Variants in SSC4D observed in about 807,000 individuals in gnomAD.
SSC4D encodes scavenger receptor cysteine rich family member with 4 domains, also known as scavenger receptor cysteine-rich domain-containing group B protein.
SSC4D carries 57 observed loss-of-function variants against 63.4 expected under a neutral mutation model. That is an observed-to-expected ratio of 0.90 (90% CI 0.73 to 1.12). The LOEUF is 1.12. SSC4D is among the 50% of genes most tolerant of loss of function. SSC4D has a pLI of 0.00. For synonymous variants in SSC4D, 352 were observed against 345.4 expected (o/e 1.02, Z -0.21); for missense variants, 791 against 806.4 (o/e 0.98, Z 0.23).
chr7:76,397,570 G>T lies in SSC4D; in HGVS notation c.816C>A (p.Gly272=), dbSNP rs769209494. Residue 272 remains glycine (G), a synonymous_variant, in exon 6 of 11, where the codon GGC becomes GGA. Coordinates refer to ENST00000275560, the MANE Select transcript of SSC4D (RefSeq NM_080744.2). ...GGTGGCCGCAGTTGTGCACACCCCAGCCCAGGCTCTGGCAGGCTGCCAGGC... is the reference window on the plus strand; with the variant it reads ...GGTGGCCGCAGTTGTGCACACCCCATCCCAGGCTCTGGCAGGCTGCCAGGC... ...EPRLAACQSL[G]WGVHNCGHHE... The T allele has an allele frequency of 3.1e-6, 5 of 1,607,330 alleles. No individual in the cohort carries two copies. The Admixed American group carries it at 8.5e-5, about 27-fold the overall frequency.
intron 7 of SSC4D, 123 bp downstream of exon 7, chr7:76,395,130 A>T (rs1804606288): frequency 2.7e-6 from 3 of 1,103,772 alleles, no homozygotes; most frequent in Non-Finnish European, 4.1e-6. Flanking sequence ...CCTCTGCACC[A>T]TCTGGCCAAA....
intron 6 of SSC4D, 44 bp downstream of exon 6, chr7:76,397,474 C>A (rs1322679630): frequency 6.9e-7 from 1 of 1,445,688 alleles, no homozygotes. Context: ...CACAGGGCCC[C>A]GCCCACCTGC....
chr7:76,400,251 C>G, intron 4 of SSC4D, 35 bp downstream of exon 4: 1 of 1,433,368 alleles, frequency 7.0e-7, no homozygotes, highest in Non-Finnish European at 9.2e-7. Flanking sequence ...CTGCCACAGT[C>G]TGTCTGTCCC....
rs763665669 is a variant in SSC4D at position 76,397,804 on chromosome 7, GC to G, written c.581del (p.Gly194AlafsTer227). 3.8e-6 allele frequency: 6 copies of G among 1,598,262 alleles called. No homozygotes were observed. Among genetic ancestry groups the G allele is most frequent in the Admixed American group, 1.7e-5 (1 of 58,180 alleles). The stretch of plus-strand genomic sequence containing the variant: ...CCACTCGGCCCTGACACAGGTTCGC[GC>G]CCCCTACCAGGCGTACGCTGCCCTC... ...KSEGSVRLVG[G>X]ANLCQGRVEI... On this transcript the variant is annotated frameshift_variant, in exon 6 of 11. Transcript: ENST00000275560. LOFTEE classifies it high-confidence loss of function.
chr7:76,389,907 C>T lies in SSC4D; in HGVS notation c.*152G>A, dbSNP rs999504241. 1.2e-5 allele frequency: 12 copies of T among 972,478 alleles called. No individual in the cohort carries two copies. The highest frequency in any genetic ancestry group is 1.8e-5 in the Non-Finnish European group (12 of 662,422). The allele number at this position is 972,478 out of a possible 1,614,324, so 60.2% of individuals were successfully genotyped here. A position where few individuals can be genotyped will look rare whatever the true frequency, so the allele number is the denominator to read the frequency against. ...TGGACGGGGGTACAGCCAGGCTCCC[C>T]CAAGCAGGACTGCACTGTCTAGGTA... On this transcript the variant is annotated 3_prime_UTR_variant, in exon 11 of 11. Coordinates refer to ENST00000275560, the MANE Select transcript of SSC4D (RefSeq NM_080744.2).
chr7:76,396,063 T>G (rs1204632285), intron 6 of SSC4D, among the ~76,000 whole-genome samples: 2 of 152,234 alleles, frequency 1.3e-5, no homozygotes, highest in Admixed American at 6.5e-5. Context: ...TAGCAGGGGC[T>G]CTGTCAGGGC....
chr7:76,391,951 T>C lies in SSC4D; in HGVS notation c.1411+13A>G. 11 of 1,586,230 alleles carry C rather than the reference T, an allele frequency of 6.9e-6. No homozygotes were observed. Among genetic ancestry groups the C allele is most frequent in the Non-Finnish European group, 9.4e-6 (11 of 1,165,834 alleles). ...ATGCCTCCACCCACTTTCAGGGGAT[T>C]ATGGGCACCTACCGTCCCTGGGCCG... On this transcript the variant is annotated intron_variant, in intron 10 of 10. Transcript: ENST00000275560.
chr7:76,395,486 C>G (rs1294712965), intron 6 of SSC4D, among the ~76,000 whole-genome samples, 156 bp from the exon 7 acceptor site: 1 of 152,174 alleles, frequency 6.6e-6, no homozygotes, highest in African/African-American at 2.4e-5. Context: ...TCCAAGGAGG[C>G]CTGTCCCCAC....
chr7:76,404,574 TTGCA>T, intron 1 of SSC4D, 69 bp from the exon 2 acceptor site: 1 of 1,369,570 alleles, frequency 7.3e-7, no homozygotes, highest in Non-Finnish European at 1.0e-6. Context: ...GGAGGATTGC[TTGCA>T]CCCAGGGGTT....
At chr7:76,395,401 G>A in intron 6 of SSC4D, 71 bp from the exon 7 acceptor site, 1 of 1,497,744 alleles carries the variant, frequency 6.7e-7, no homozygotes, top group South Asian at 1.1e-5. Context: ...GGGCTGTCAG[G>A]GGAGGATAGG....
In SSC4D at chr7:76,397,846, C is replaced by T. The variant is rs1176396502; in HGVS notation, c.554-14G>A. ...CGCTGCCCTCACCTGGGGATGGGGG[C>T]GGGGGTCAGGGCGCATCTCCCACTG... On this transcript the variant is annotated splice_polypyrimidine_tract_variant and intron_variant, in intron 5 of 10. Coordinates refer to ENST00000275560, the MANE Select transcript of SSC4D (RefSeq NM_080744.2). 1.3e-6 allele frequency: 2 copies of T among 1,532,186 alleles called. No homozygotes were observed. Among genetic ancestry groups the T allele is most frequent in the African/African-American group, 1.4e-5 (1 of 72,910 alleles). 94.9% of individuals were successfully genotyped at this position (1,532,186 alleles called of 1,614,324 possible).
Position 76,390,308 on chromosome 7 carries a change from C to T in SSC4D, c.1479G>A (p.Arg493=), listed in dbSNP as rs372702115. The T allele has an allele frequency of 2.1e-3, 3,393 of 1,611,314 alleles. 113 individuals are homozygous for T. The South Asian group carries it at 0.035, about 17-fold the overall frequency. ...AAGCATCATCACAGACAGTGCCCCA[C>T]CGTTGCCCTAGGTAGAGCTCTACAC... The part of the protein sequence containing the change: ...EGRVELYLGQ[R]WGTVCDDAWD... The change falls in exon 11 of 11, where the codon CGG becomes CGA. Residue 493 remains arginine, a synonymous_variant. Transcript: ENST00000275560.
rs761386982 is a variant in SSC4D, at chr7:76,397,503, C to T, written c.868+15G>A. 2.6e-5 allele frequency: 39 copies of T among 1,502,054 alleles called. No homozygotes were observed. The highest frequency in any genetic ancestry group is 3.4e-5 in the Non-Finnish European group (38 of 1,127,052). 93.0% of individuals were successfully genotyped at this position (1,502,054 alleles called of 1,614,324 possible). A position where few individuals can be genotyped will look rare whatever the true frequency, so the allele number is the denominator to read the frequency against. On this transcript the variant is annotated intron_variant, in intron 6 of 10. Transcript: ENST00000275560. ...CACCTGCCCCGGCCCCGCCCATCGC[C>T]CCTAGAGCCCGCACCTGCGCAGAGC...
Position 76,393,657 on chromosome 7 carries a change from G to C in SSC4D, c.1081C>G (p.His361Asp). Residue 361 changes from histidine (H) to aspartate (D), a missense_variant, in exon 9 of 11, where the codon CAC becomes GAC. Transcript: ENST00000275560. ...CACACGGTGCCCCAGCCCCCGGCGT[G>C]CAACACCTCCACGCGGCCGCGGCAC... ...GPCRGRVEVLHAGGWGTVCDD... is the reference protein window; with the variant it reads ...GPCRGRVEVLDAGGWGTVCDD... The C allele has an allele frequency of 6.8e-7, 1 of 1,467,716 alleles. No homozygotes were observed. The highest frequency in any genetic ancestry group is 9.0e-7 in the Non-Finnish European group (1 of 1,115,470). The allele number at this position is 1,467,716 out of a possible 1,614,324, so 90.9% of individuals were successfully genotyped here.
At chr7:76,397,465 A>G (rs1804671478) in intron 6 of SSC4D, 53 bp downstream of exon 6, 1 of 1,438,604 alleles carries the variant, frequency 7.0e-7, no homozygotes, top group Admixed American at 2.8e-5. Context: ...CAGCATTGCC[A>G]CAGGGCCCCG....
At chr7:76,398,693 G>A in intron 5 of SSC4D, 27 bp downstream of exon 5, 1 of 1,610,760 alleles carries the variant, frequency 6.2e-7, no homozygotes, top group Non-Finnish European at 8.5e-7. Flanking sequence ...CCAAAACCCA[G>A]GTGGTGCCCA....
chr7:76,391,067 T>C (rs1278471075), intron 10 of SSC4D, among the ~76,000 whole-genome samples: 1 of 151,584 alleles, frequency 6.6e-6, no homozygotes, highest in East Asian at 1.9e-4. Context: ...GCCCAGGAGG[T>C]CCAGGCTGCA....
chr7:76,394,265 G>A (rs1345953040), intron 7 of SSC4D, among the ~76,000 whole-genome samples: 1 of 151,992 alleles, frequency 6.6e-6, no homozygotes, highest in Non-Finnish European at 1.5e-5. Flanking sequence ...TTAATTTCGA[G>A]ACAGGGTCTT....
chr7:76,392,588 C>T (rs561370984), intron 9 of SSC4D, among the ~76,000 whole-genome samples: 3 of 150,194 alleles, frequency 2.0e-5, no homozygotes, highest in Admixed American at 6.6e-5. Context: ...GCCAGGAGTT[C>T]GAGAGTAGCC....
Sources: gnomAD v4.1 joint callset for allele counts (sites outside exome capture counted in the v4.1 genomes callset) on GRCh38, gnomAD v4.1.1 for gene constraint, MANE v1.5 for transcripts, NCBI Gene and HGNC (gene_info 2026-07-23, HGNC 2026-07-21) for gene names.